DNAH9: variants seen among roughly 807,000 people sequenced by gnomAD.
The protein encoded by DNAH9 is DNAH9 variant protein.
Under a neutral mutation model 471.6 loss-of-function variants are expected in DNAH9, and 345 were observed. The observed-to-expected ratio is 0.73, with a 90% CI of 0.67 to 0.80. The LOEUF (loss-of-function observed/expected upper bound fraction) is 0.80, where lower values mean the gene tolerates loss of function less well. Ranked by LOEUF, DNAH9 falls within the 30% of genes least tolerant of loss-of-function variation. The probability of loss-of-function intolerance (pLI) is 0.00; values close to 1 mark genes in which losing one functional copy is unlikely to be tolerated. For synonymous variants in DNAH9, 2,093 were observed against 2,123.6 expected (o/e 0.99, Z 0.40); for missense variants, 5,407 against 5,609.2 (o/e 0.96, Z 1.15).
chr17:11,872,157 C>A (rs2240520), intron 52 of DNAH9, among the ~76,000 whole-genome samples: 134,595 of 152,176 alleles, frequency 0.88, 60,158 homozygotes, highest in Non-Finnish European at 0.94. Context: ...AGTCAGGGGA[C>A]GTTCCATTTC....
At chr17:11,618,046 C>G (rs1396580848) in intron 5 of DNAH9, among the ~76,000 whole-genome samples, 1 of 152,228 alleles carries the variant, frequency 6.6e-6, no homozygotes, top group Non-Finnish European at 1.5e-5. Context: ...GGACAAATCA[C>G]TTCCTGTTCT....
chr17:11,701,798 C>T (rs533239759), intron 24 of DNAH9, among the ~76,000 whole-genome samples: 3 of 152,332 alleles, frequency 2.0e-5, no homozygotes, highest in Admixed American at 6.5e-5. Context: ...CCTGCCTCAG[C>T]CTCCCAGGTA....
rs116565618 is a variant in DNAH9, at chr17:11,714,982, G to A, written c.5553-4352G>A. On this transcript the variant is annotated intron_variant, in intron 26 of 68. Transcript: ENST00000262442. ...AGACCCTCAGCAGAGAACGCACCTG[G>A]ACTTCTGGCCCACAGAAGTGTGAGA... Among the ~76,000 whole-genome samples the A allele has an allele frequency of 2.4e-3, 360 of 152,276 alleles. 1 individual carries two copies. Among genetic ancestry groups the A allele is most frequent in the African/African-American group, 7.9e-3 (329 of 41,572 alleles).
rs369443943 is a variant in DNAH9, at chr17:11,647,026, G to T, written c.1971-46G>T. On this transcript the variant is annotated intron_variant, in intron 11 of 68. Transcript: ENST00000262442. ...ACAGATCATGACCAGGCACCGGTGA[G>T]CTGGGAGGGGGCTTATGAGGTGGCT... The T allele has an allele frequency of 4.6e-4, 736 of 1,605,090 alleles. 9 individuals carry two copies. In the South Asian group the frequency reaches 7.4e-3, roughly 16 times the overall value.
chr17:11,853,841 TG>T (rs1971522213), intron 49 of DNAH9, among the ~76,000 whole-genome samples, 161 bp from the exon 50 acceptor site: 1 of 152,194 alleles, frequency 6.6e-6, no homozygotes. Flanking sequence ...GGAGTAGCTT[TG>T]GTTTCCTTTT....
chr17:11,763,351 T>C, intron 35 of DNAH9, 89 bp from the exon 36 acceptor site: 2 of 1,191,972 alleles, frequency 1.7e-6, no homozygotes, highest in Non-Finnish European at 2.4e-6. Flanking sequence ...ATGAGTCCAC[T>C]GAAACTGAGT....
chr17:11,821,924 G>A lies in DNAH9; in HGVS notation c.8712G>A (p.Glu2904=). Reference sequence around the variant, plus strand: ...CTGTGCTCCATTTTTTCCCAGGGGAGATCCCAGATCTCTACTCTGATGATG... The same window carrying A: ...CTGTGCTCCATTTTTTCCCAGGGGAAATCCCAGATCTCTACTCTGATGATG... ...VLINDLLASG[E]IPDLYSDDEV... is the part of the protein sequence containing the mutation. Residue 2904 remains glutamate (E), a synonymous_variant, in exon 46 of 69, where the codon GAG becomes GAA. Coordinates refer to ENST00000262442, the MANE Select transcript of DNAH9 (RefSeq NM_001372.4). The A allele has an allele frequency of 3.7e-6, 6 of 1,607,000 alleles. No individual in the cohort carries two copies. Among genetic ancestry groups the A allele is most frequent in the Non-Finnish European group, 5.1e-6 (6 of 1,178,072 alleles).
intron 61 of DNAH9, among the ~76,000 whole-genome samples, chr17:11,908,766 T>C (rs559963393): frequency 1.3e-5 from 2 of 152,362 alleles, no homozygotes; most frequent in East Asian, 3.9e-4. Flanking sequence ...CCTGTCCTGG[T>C]CTGGGCAGTC....
intron 19 of DNAH9, among the ~76,000 whole-genome samples, chr17:11,687,116 C>A (rs79333236): frequency 0.035 from 5,286 of 152,220 alleles, 311 homozygotes; most frequent in African/African-American, 0.12. Flanking sequence ...GCTCCTCTCT[C>A]TATATATATG....
chr17:11,780,772 C>G (rs891586409), intron 38 of DNAH9, among the ~76,000 whole-genome samples: 6 of 152,198 alleles, frequency 3.9e-5, no homozygotes, highest in African/African-American at 2.4e-5. Context: ...AAACTTAGCA[C>G]AGTGCACGTG....
At chr17:11,754,233 G>A (rs1295095376) in intron 33 of DNAH9, among the ~76,000 whole-genome samples, 2 of 152,116 alleles carry the variant, frequency 1.3e-5, no homozygotes. Context: ...GTCATTGATG[G>A]GCATTTAGGT....
At chr17:11,746,805 A>G (rs1466139208) in intron 31 of DNAH9, among the ~76,000 whole-genome samples, 2 of 152,260 alleles carry the variant, frequency 1.3e-5, no homozygotes, top group Non-Finnish European at 2.9e-5. Flanking sequence ...CTAGAATTCT[A>G]TACAACCAAA....
intron 28 of DNAH9, among the ~76,000 whole-genome samples, chr17:11,737,528 T>A (rs2075367302): frequency 1.3e-5 from 2 of 152,206 alleles, no homozygotes; most frequent in Admixed American, 1.3e-4. Context: ...GGGGCCGGGC[T>A]GGACAAGGCT....
At chr17:11,693,718 C>A in intron 20 of DNAH9, 150 bp from the exon 21 acceptor site, 1 of 847,904 alleles carries the variant, frequency 1.2e-6, no homozygotes, top group Non-Finnish European at 1.9e-6. Context: ...AAGCTGAATG[C>A]AGCTTAAACT....
chr17:11,834,036 A>G (rs1970755681), intron 48 of DNAH9, among the ~76,000 whole-genome samples: 1 of 152,174 alleles, frequency 6.6e-6, no homozygotes, highest in South Asian at 2.1e-4. Context: ...GGCATCAGGG[A>G]GAAAGGTCAG....
chr17:11,902,233 C>A (rs1973438379), intron 59 of DNAH9, among the ~76,000 whole-genome samples: 1 of 152,032 alleles, frequency 6.6e-6, no homozygotes, highest in South Asian at 2.1e-4. Context: ...TGGACTGAAT[C>A]CTCATAGAAA....
At chr17:11,908,457 C>G (rs757466424) in intron 61 of DNAH9, among the ~76,000 whole-genome samples, 1 of 152,176 alleles carries the variant, frequency 6.6e-6, no homozygotes, top group Non-Finnish European at 1.5e-5. Flanking sequence ...TTGTGTCTTT[C>G]TACAGTATCA....
intron 59 of DNAH9, among the ~76,000 whole-genome samples, chr17:11,900,846 G>A: frequency 6.6e-6 from 1 of 152,100 alleles, no homozygotes; most frequent in East Asian, 1.9e-4. Flanking sequence ...CAGGCATTCA[G>A]GCAGAGTTGA....
At chr17:11,960,982 A>G (rs1976104668) in intron 67 of DNAH9, among the ~76,000 whole-genome samples, 3 of 152,074 alleles carry the variant, frequency 2.0e-5, no homozygotes, top group Admixed American at 2.0e-4. Context: ...AAATTGCCAC[A>G]GATCATTGGC....
Sources: allele counts gnomAD v4.1 joint callset (sites outside exome capture counted in the v4.1 genomes callset), GRCh38; gene constraint gnomAD v4.1.1; transcripts MANE v1.5; gene names NCBI Gene and HGNC (gene_info 2026-07-23, HGNC 2026-07-21).